LARP4: variants seen among roughly 807,000 people sequenced by gnomAD.
LARP4 encodes la-related protein 4.
A neutral mutation model predicts 92.9 loss-of-function variants in LARP4; 29 were observed. The ratio of observed to expected loss-of-function variants is 0.31; its 90% confidence interval spans 0.23 to 0.43. LARP4 has a LOEUF of 0.43. LARP4 is among the 20% of genes least tolerant of loss of function. The pLI is 1.00. For missense variants in LARP4, 732 were observed against 860.0 expected, an observed-to-expected ratio of 0.85 and a Z score of 1.86; for synonymous variants, 279 against 284.1, an observed-to-expected ratio of 0.98 and a Z score of 0.18.
chr12:50,449,395 T>G (rs1033652306), intron 8 of LARP4, among the ~76,000 whole-genome samples: 4 of 152,222 alleles, frequency 2.6e-5, no homozygotes, highest in African/African-American at 9.6e-5. Context: ...TGAGTGCAGT[T>G]TAACATGATT....
chr12:50,415,413 T>A lies in LARP4; in HGVS notation c.19-12349T>A, dbSNP rs528767677. 4.8e-4 allele frequency among the ~76,000 whole-genome samples: 73 copies of A among 152,296 alleles called. 1 individual carries two copies. Among genetic ancestry groups the A allele is most frequent in the Non-Finnish European group, 8.5e-4 (58 of 68,034 alleles). On this transcript the variant is annotated intron_variant, in intron 1 of 15. Transcript: ENST00000398473. ...CTGCTGAAGGGAATATATTTATTAA[T>A]GATTTTGATCAGTTATTAAATATTT...
chr12:50,467,171 A>G (rs374856976), intron 13 of LARP4, 51 bp downstream of exon 13: 36 of 1,429,032 alleles, frequency 2.5e-5, no homozygotes, highest in Non-Finnish European at 4.8e-6. Flanking sequence ...TTTAGGCTTT[A>G]TTTGCAGTGT....
At chr12:50,417,220 C>T (rs1279066457) in intron 1 of LARP4, among the ~76,000 whole-genome samples, 2 of 151,546 alleles carry the variant, frequency 1.3e-5, no homozygotes, top group African/African-American at 2.4e-5. Context: ...TCAGCCTGGC[C>T]AAGATGGTGA....
chr12:50,469,892 A>T (rs556107940), intron 13 of LARP4, among the ~76,000 whole-genome samples: 1 of 150,968 alleles, frequency 6.6e-6, no homozygotes, highest in South Asian at 2.1e-4. Flanking sequence ...CTGGGCGACA[A>T]GAGCAAGACT....
chr12:50,418,705 G>A (rs1947253211), intron 1 of LARP4, among the ~76,000 whole-genome samples: 1 of 152,090 alleles, frequency 6.6e-6, no homozygotes, highest in South Asian at 2.1e-4. Context: ...AAAGGCATGA[G>A]TCACCATGCC....
chr12:50,463,060 C>G (rs1247324269), intron 12 of LARP4, among the ~76,000 whole-genome samples: 2 of 151,952 alleles, frequency 1.3e-5, no homozygotes, highest in Non-Finnish European at 2.9e-5. Context: ...ACGGGTCTTG[C>G]TCTGTCACCC....
At chr12:50,459,152 C>T (rs1025468103) in intron 10 of LARP4, among the ~76,000 whole-genome samples, 5 of 152,108 alleles carry the variant, frequency 3.3e-5, no homozygotes, top group Admixed American at 6.5e-5. Flanking sequence ...GTGTTTGCCA[C>T]CATGCCAGGC....
chr12:50,411,443 G>A (rs1348103348), intron 1 of LARP4, among the ~76,000 whole-genome samples: 1 of 151,798 alleles, frequency 6.6e-6, no homozygotes, highest in Non-Finnish European at 1.5e-5. Context: ...CCTGCCTCCC[G>A]GGTTCAAGTG....
chr12:50,447,967 A>G (rs118134774), intron 8 of LARP4, among the ~76,000 whole-genome samples: 2,616 of 152,152 alleles, frequency 0.017, 28 homozygotes, highest in Non-Finnish European at 0.026. Flanking sequence ...TCCCAGGTTC[A>G]AGGAGTTCTC....
intron 4 of LARP4, among the ~76,000 whole-genome samples, chr12:50,433,676 A>G (rs909972810): frequency 9.7e-5 from 14 of 144,280 alleles, no homozygotes; most frequent in Non-Finnish European, 1.3e-4. Context: ...TTCTCACTCT[A>G]TTGCGTAGGC....
chr12:50,454,450 A>G, intron 10 of LARP4, 33 bp downstream of exon 10: 1 of 1,478,848 alleles, frequency 6.8e-7, no homozygotes, highest in East Asian at 2.3e-5. Context: ...AATGTATTTT[A>G]AACAATTCCT....
rs756263092 is a variant in LARP4, at chr12:50,427,885, G to C, written c.142G>C (p.Ala48Pro). ...GTESSWHEIA[A>P]TSGAHPEGNA... is the part of the protein sequence containing the mutation. ...TGAAAGCTCTTGGCATGAAATAGCA[G>C]CTACATCAGGTGCTCATCCTGAGGG... is the stretch of plus-strand genomic sequence containing the variant. Residue 48 changes from alanine to proline, a missense_variant, in exon 2 of 16, where the codon GCT becomes CCT. Ala to Pro is a conservative substitution (Grantham distance 27). Transcript: ENST00000398473. 1 of 1,596,196 alleles carries C rather than the reference G, an allele frequency of 6.3e-7. No homozygotes were observed. Among genetic ancestry groups the C allele is most frequent in the East Asian group, 2.2e-5 (1 of 44,736 alleles).
chr12:50,444,906 C>T (rs1015361366), intron 8 of LARP4, among the ~76,000 whole-genome samples: 1 of 152,106 alleles, frequency 6.6e-6, no homozygotes, highest in Non-Finnish European at 1.5e-5. Flanking sequence ...CTAAAAATGT[C>T]TGGTATTTCA....
rs146781494 is a variant in LARP4 at position 50,459,701 on chromosome 12, A to G, written c.1122-1434A>G. ...TATCTAGGTGTGGTGGCACGTGCCT[A>G]TAGTCCCAGCTACTCGGGAGGCTGA... On this transcript the variant is annotated intron_variant, in intron 10 of 15. Transcript: ENST00000398473. Among the ~76,000 whole-genome samples the G allele has an allele frequency of 2.1e-3, 323 of 151,736 alleles. 3 individuals carry two copies. The highest frequency in any genetic ancestry group is 7.4e-3 in the African/African-American group (305 of 41,382).
At chr12:50,467,857 G>T (rs1368847632) in intron 13 of LARP4, among the ~76,000 whole-genome samples, 1 of 147,022 alleles carries the variant, frequency 6.8e-6, no homozygotes. Flanking sequence ...TTCTAATTCA[G>T]TTTTTTTTTT....
chr12:50,460,056 A>G (rs1373709878), intron 10 of LARP4, among the ~76,000 whole-genome samples: 2 of 151,854 alleles, frequency 1.3e-5, no homozygotes, highest in Admixed American at 1.3e-4. Flanking sequence ...AATCGCTTGC[A>G]TCTGGGAGGC....
chr12:50,412,950 C>A (rs1000791611), intron 1 of LARP4, among the ~76,000 whole-genome samples: 1 of 152,068 alleles, frequency 6.6e-6, no homozygotes, highest in Non-Finnish European at 1.5e-5. Flanking sequence ...ATTGGCTGGG[C>A]GTGGTAGCTC....
At chr12:50,423,920 A>G (rs1349968128) in intron 1 of LARP4, among the ~76,000 whole-genome samples, 1 of 151,190 alleles carries the variant, frequency 6.6e-6, no homozygotes, top group Non-Finnish European at 1.5e-5. Flanking sequence ...ACACCCAGCT[A>G]ATTTTTGTAT....
intron 8 of LARP4, among the ~76,000 whole-genome samples, chr12:50,452,475 C>G (rs1370090100): frequency 6.6e-6 from 1 of 152,136 alleles, no homozygotes; most frequent in Non-Finnish European, 1.5e-5. Context: ...AGCCACTGAG[C>G]CTGGCCTATT....
Sources: allele counts gnomAD v4.1 joint callset (sites outside exome capture counted in the v4.1 genomes callset), GRCh38; gene constraint gnomAD v4.1.1; transcripts MANE v1.5; gene names NCBI Gene and HGNC (gene_info 2026-07-23, HGNC 2026-07-21).